Variants in C5AR2 observed in about 807,000 individuals in gnomAD.
C5AR2 encodes complement C5a receptor 2.
For missense variants in C5AR2, 458 were observed against 467.5 expected, an observed-to-expected ratio of 0.98 and a Z score of 0.19; for synonymous variants, 224 against 216.5, an observed-to-expected ratio of 1.03 and a Z score of -0.30.
chr19:47,336,488 CCTTTCTTT>C (rs555090973), intron 1 of C5AR2, among the ~76,000 whole-genome samples: 94 of 16,546 alleles, frequency 5.7e-3, no homozygotes, highest in African/African-American at 0.016. Flanking sequence ...TTCCTTCCTT[CCTTTCTTT>C]CTTTCTTTCT....
rs1466595292 is a variant in C5AR2 at position 47,347,260 on chromosome 19, T to G, written c.*5447T>G. The G allele has an allele frequency of 6.6e-6, 1 of 152,146 alleles. No individual in the cohort carries two copies. The allele number at this position is 152,146 out of a possible 1,614,324, so 9.4% of individuals were successfully genotyped here. On this transcript the variant is annotated 3_prime_UTR_variant, in exon 2 of 2. Coordinates refer to ENST00000595464, the MANE Select transcript of C5AR2 (RefSeq NM_001271749.2). ...GGTTGATAGACTGTGGCTTTCTTGT[T>G]GATTTCCATTTGTTGTTCATTTCCT...
chr19:47,338,282 A>AT (rs57253009), intron 1 of C5AR2, among the ~76,000 whole-genome samples: 147,284 of 149,470 alleles, frequency 0.99, 72,578 homozygotes, highest in East Asian at 1. Context: ...CTCTAAAAAA[A>AT]ATATATATAT....
chr19:47,341,331 G>A lies in C5AR2; in HGVS notation c.532G>A (p.Glu178Lys), dbSNP rs373255510. 511 of 1,611,650 alleles carry A rather than the reference G, an allele frequency of 3.2e-4. 3 individuals are homozygous for A. In the South Asian group the frequency reaches 4.8e-3, roughly 15 times the overall value. ...CGCCATCTACCGCCGGCTGCACCAG[G>A]AGCACTTCCCAGCCCGGCTGCAGTG... The part of the protein sequence containing the change: ...PSAIYRRLHQ[E>K]HFPARLQCVV... Residue 178 changes from glutamate (E) to lysine (K), a missense_variant, in exon 2 of 2, where the codon GAG becomes AAG. Physicochemically the swap from Glu to Lys is moderately conservative, Grantham distance 56. Coordinates refer to ENST00000595464, the MANE Select transcript of C5AR2 (RefSeq NM_001271749.2). The surrounding 1 kb of genome is among the most constrained non-coding windows in gnomAD (Gnocchi z 4.6).
At chr19:47,333,365 C>A (rs1372547010) in intron 1 of C5AR2, among the ~76,000 whole-genome samples, 4 of 152,092 alleles carry the variant, frequency 2.6e-5, no homozygotes, top group African/African-American at 7.2e-5. Flanking sequence ...TCATTCTCAT[C>A]GTGTAGAATA....
At chr19:47,336,491 T>TCC (rs1169757700) in intron 1 of C5AR2, among the ~76,000 whole-genome samples, 81 of 3,824 alleles carry the variant, frequency 0.021, 1 homozygote, top group African/African-American at 0.049. Context: ...CTTCCTTCCT[T>TCC]TCTTTCTTTC....
rs764126566 is a variant in C5AR2 at position 47,341,610 on chromosome 19, C to T, written c.811C>T (p.Arg271Trp). 45 of 1,613,802 alleles carry T rather than the reference C, an allele frequency of 2.8e-5. No homozygotes were observed. The South Asian group carries it at 3.1e-4, about 11-fold the overall frequency. Residue 271 changes from arginine (R) to tryptophan (W), a missense_variant, in exon 2 of 2, where the codon CGG (arginine) becomes TGG (tryptophan). Coordinates refer to ENST00000595464, the MANE Select transcript of C5AR2 (RefSeq NM_001271749.2). The surrounding 1 kb of genome is among the most constrained non-coding windows in gnomAD (Gnocchi z 4.6). ...CTCCGCACTCCTGGCCAGGGCCCTGCGGGCTGAACCCCTCATCGTGGGCCT... is the reference window on the plus strand; with the variant it reads ...CTCCGCACTCCTGGCCAGGGCCCTGTGGGCTGAACCCCTCATCGTGGGCCT... The part of the protein sequence containing the change: ...PNSALLARAL[R>W]AEPLIVGLAL...
Position 47,344,911 on chromosome 19 carries a change from T to G in C5AR2, c.*3098T>G, listed in dbSNP as rs1032479367. Reference sequence around the variant, plus strand: ...GCCTCAGCCTCCCGAGTAGCTGGGATTACAGGCGCTGCCACCACACTTGGC... The same window carrying G: ...GCCTCAGCCTCCCGAGTAGCTGGGAGTACAGGCGCTGCCACCACACTTGGC... On this transcript the variant is annotated 3_prime_UTR_variant, in exon 2 of 2. Coordinates refer to ENST00000595464, the MANE Select transcript of C5AR2 (RefSeq NM_001271749.2). 2 of 151,560 alleles carry G rather than the reference T, an allele frequency of 1.3e-5. No individual in the cohort carries two copies. The highest frequency in any genetic ancestry group is 2.9e-5 in the Non-Finnish European group (2 of 67,842). The allele number at this position is 151,560 out of a possible 1,614,324, so 9.4% of individuals were successfully genotyped here.
rs780152391 is a variant in C5AR2 at position 47,340,774 on chromosome 19, C to T, written c.-15-11C>T. 2 of 1,612,760 alleles carry T rather than the reference C, an allele frequency of 1.2e-6. No homozygotes were observed. Among genetic ancestry groups the T allele is most frequent in the South Asian group, 2.2e-5 (2 of 91,056 alleles). On this transcript the variant is annotated splice_polypyrimidine_tract_variant and intron_variant, in intron 1 of 1. Transcript: ENST00000595464. ...TCCTCTGAGTTTTCATCGTCTTTCT[C>T]TCCTGCCCAGACACCAGGAGCCTGA...
chr19:47,340,628 C>G (rs912894922), intron 1 of C5AR2, among the ~76,000 whole-genome samples, 157 bp from the exon 2 acceptor site: 2 of 152,178 alleles, frequency 1.3e-5, no homozygotes, highest in African/African-American at 4.8e-5. Flanking sequence ...AGCCACCACA[C>G]CCGGCCTAGA....
intron 1 of C5AR2, among the ~76,000 whole-genome samples, chr19:47,338,236 C>T (rs1215139261): frequency 6.7e-6 from 1 of 149,700 alleles, no homozygotes; most frequent in East Asian, 2.0e-4. Context: ...GATTGCACCA[C>T]TGCACTCCAG....
chr19:47,345,848 G>T lies in C5AR2; in HGVS notation c.*4035G>T, dbSNP rs185754561. 6.6e-6 allele frequency: 1 copy of T among 152,162 alleles called. No individual in the cohort carries two copies. The highest frequency in any genetic ancestry group is 1.5e-5 in the Non-Finnish European group (1 of 68,012). The allele number at this position is 152,162 out of a possible 1,614,324, so 9.4% of individuals were successfully genotyped here. ...GAATATTGGACCAAATTGAGGACCA[G>T]CTAAAACAGGGAGGAGGCTGAAGCA... On this transcript the variant is annotated 3_prime_UTR_variant, in exon 2 of 2. Transcript: ENST00000595464.
At chr19:47,336,938 CA>C (rs973932816) in intron 1 of C5AR2, among the ~76,000 whole-genome samples, 2 of 151,936 alleles carry the variant, frequency 1.3e-5, no homozygotes, top group African/African-American at 4.8e-5. Flanking sequence ...GGGAGTGCCC[CA>C]ACTTCCTCTC....
chr19:47,336,707 C>T (rs1350840687), intron 1 of C5AR2, among the ~76,000 whole-genome samples: 1 of 151,764 alleles, frequency 6.6e-6, no homozygotes, highest in East Asian at 1.9e-4. Context: ...GAGGGTCTCA[C>T]TGTGTTGCCT....
rs1969049168 is a variant in C5AR2 at position 47,342,113 on chromosome 19, G to A, written c.*300G>A. 2 of 290,524 alleles carry A rather than the reference G, an allele frequency of 6.9e-6. No individual in the cohort carries two copies. The highest frequency in any genetic ancestry group is 8.9e-5 in the Admixed American group (2 of 22,366). 18.0% of individuals were successfully genotyped at this position (290,524 alleles called of 1,614,324 possible). A position where few individuals can be genotyped will look rare whatever the true frequency, so the allele number is the denominator to read the frequency against. On this transcript the variant is annotated 3_prime_UTR_variant, in exon 2 of 2. Coordinates refer to ENST00000595464, the MANE Select transcript of C5AR2 (RefSeq NM_001271749.2). ...CTCACGCCTGTAATTCCAGGGCTTT[G>A]GGAGGCTGAGGCAGGTAGATCACTT...
chr19:47,334,051 ACTTACCAAATAT>A (rs894395196), intron 1 of C5AR2, among the ~76,000 whole-genome samples: 1 of 151,818 alleles, frequency 6.6e-6, no homozygotes, highest in African/African-American at 2.4e-5. Context: ...TTATCCTTTC[ACTTACCAAATAT>A]CGACCATGCC....
rs943872543 is a variant in C5AR2 at position 47,347,136 on chromosome 19, T to A, written c.*5323T>A. ...AAGTTTGTCTATTTCTGCTATTTGTTTTTTTACCATAGAAATATTGATTTC... is the reference window on the plus strand; with the variant it reads ...AAGTTTGTCTATTTCTGCTATTTGTATTTTTACCATAGAAATATTGATTTC... On this transcript the variant is annotated 3_prime_UTR_variant, in exon 2 of 2. Transcript: ENST00000595464. 3 of 152,124 alleles carry A rather than the reference T, an allele frequency of 2.0e-5. No homozygotes were observed. Among genetic ancestry groups the A allele is most frequent in the Non-Finnish European group, 4.4e-5 (3 of 68,042 alleles). The allele number at this position is 152,124 out of a possible 1,614,324, so 9.4% of individuals were successfully genotyped here.
Position 47,341,624 on chromosome 19 carries a change from C to T in C5AR2, c.825C>T (p.Leu275=). 1 of 1,614,050 alleles carries T rather than the reference C, an allele frequency of 6.2e-7. No individual in the cohort carries two copies. The highest frequency in any genetic ancestry group is 8.5e-7 in the Non-Finnish European group (1 of 1,180,004). Reference sequence around the variant, plus strand: ...CCAGGGCCCTGCGGGCTGAACCCCTCATCGTGGGCCTTGCCCTCGCTCACA... The same window carrying T: ...CCAGGGCCCTGCGGGCTGAACCCCTTATCGTGGGCCTTGCCCTCGCTCACA... The part of the protein sequence containing the change: ...LLARALRAEP[L]IVGLALAHSC... The change falls in exon 2 of 2, where the codon CTC becomes CTT. Residue 275 remains leucine, a synonymous_variant. Transcript: ENST00000595464. This position sits in a 1 kb window ranked among gnomAD's most constrained non-coding sequence, Gnocchi z 4.6.
At chr19:47,333,091 G>A (rs1295736402) in intron 1 of C5AR2, among the ~76,000 whole-genome samples, 5 of 151,820 alleles carry the variant, frequency 3.3e-5, no homozygotes, top group African/African-American at 1.2e-4. Context: ...TGCAACCTCC[G>A]CCTCCCAGGT....
chr19:47,339,875 T>C (rs2059375325), intron 1 of C5AR2, among the ~76,000 whole-genome samples: 2 of 152,208 alleles, frequency 1.3e-5, no homozygotes, highest in Admixed American at 6.6e-5. Flanking sequence ...CATAGCCAGC[T>C]TCCCTGTGTG....
Sources: allele counts gnomAD v4.1 joint callset (sites outside exome capture counted in the v4.1 genomes callset), GRCh38; gene constraint gnomAD v4.1.1; non-coding constraint Gnocchi (gnomAD v3.1); transcripts MANE v1.5; gene names NCBI Gene and HGNC (gene_info 2026-07-23, HGNC 2026-07-21).